ATP2C1: variants seen among roughly 807,000 people sequenced by gnomAD.
ATP2C1 encodes the protein ATPase secretory pathway Ca2+ transporting 1, also known as calcium-transporting ATPase type 2C member 1.
Under a neutral mutation model 120.5 loss-of-function variants are expected in ATP2C1, and 31 were observed. The ratio of observed to expected loss-of-function variants is 0.26; its 90% CI spans 0.19 to 0.35. The LOEUF (loss-of-function observed/expected upper bound fraction) is 0.35, where lower values mean the gene tolerates loss of function less well. Ranked by LOEUF, ATP2C1 falls within the 10% of genes least tolerant of loss-of-function variation. The pLI is 1.00. For synonymous variants in ATP2C1, 351 were observed against 358.7 expected (o/e 0.98, Z 0.24); for missense variants, 731 against 1,107.5 (o/e 0.66, Z 4.83).
At chr3:130,978,961 C>T (rs1197415756) in intron 18 of ATP2C1, among the ~76,000 whole-genome samples, 1 of 152,148 alleles carries the variant, frequency 6.6e-6, no homozygotes, top group Non-Finnish European at 1.5e-5. Context: ...AAAGTAGCTG[C>T]ATGTGATTAC....
intron 22 of ATP2C1, 138 bp from the exon 23 acceptor site, chr3:130,995,905 A>G (rs1375219332): frequency 2.3e-5 from 15 of 660,798 alleles, no homozygotes; most frequent in Non-Finnish European, 3.2e-5. Flanking sequence ...TCGGCCTCCC[A>G]GTGTGCTGGG....
chr3:130,973,234 G>A (rs1229381051), intron 17 of ATP2C1, among the ~76,000 whole-genome samples: 1 of 152,056 alleles, frequency 6.6e-6, no homozygotes, highest in African/African-American at 2.4e-5. Flanking sequence ...AGAATAAAGT[G>A]GCCCACCAAC....
At chr3:130,969,656 T>C (rs1284075289) in intron 17 of ATP2C1, among the ~76,000 whole-genome samples, 1 of 152,234 alleles carries the variant, frequency 6.6e-6, no homozygotes, top group African/African-American at 2.4e-5. Context: ...CTAGTCTCAG[T>C]CTCCTGAAGC....
chr3:130,871,865 T>A (rs1438278810), intron 1 of ATP2C1, among the ~76,000 whole-genome samples: 1 of 151,910 alleles, frequency 6.6e-6, no homozygotes, highest in African/African-American at 2.4e-5. Flanking sequence ...TATTAAAAAG[T>A]ACAAAAATTA....
At chr3:130,876,570 CT>C (rs2068611562) in intron 1 of ATP2C1, among the ~76,000 whole-genome samples, 1 of 152,050 alleles carries the variant, frequency 6.6e-6, no homozygotes, top group African/African-American at 2.4e-5. Flanking sequence ...CAGGTTTGTT[CT>C]TTTTGCTTAG....
chr3:131,001,285 G>C lies in ATP2C1; in HGVS notation c.2695G>C (p.Glu899Gln). Residue 899 changes from glutamate (E) to glutamine (Q), a missense_variant, in exon 28 of 28, where the codon GAA (glutamate) becomes CAA (glutamine). Around this residue, in one of 3 missense-constraint regions of ATP2C1, gnomAD observed 141 missense variants for 201.6 expected, o/e 0.70. Transcript: ENST00000510168. The stretch of plus-strand genomic sequence containing the variant: ...AGTGGCAGAAATTATAAAGAAGGTT[G>C]AAAGGAGCAGGGAAAAGATCCAGAA... ...CIVAEIIKKV[E>Q]RSREKIQKHV... 6.2e-7 allele frequency: 1 copy of C among 1,613,840 alleles called. No homozygotes were observed. Among genetic ancestry groups the C allele is most frequent in the Non-Finnish European group, 8.5e-7 (1 of 1,179,886 alleles).
chr3:131,000,326 A>G (rs1176291934), intron 27 of ATP2C1, among the ~76,000 whole-genome samples: 1 of 152,182 alleles, frequency 6.6e-6, no homozygotes, highest in Non-Finnish European at 1.5e-5. Context: ...GTTAAAATTT[A>G]CCTTAAAATT....
intron 17 of ATP2C1, among the ~76,000 whole-genome samples, chr3:130,971,759 C>G (rs554093380): frequency 6.6e-6 from 1 of 152,134 alleles, no homozygotes; most frequent in Non-Finnish European, 1.5e-5. Flanking sequence ...TTAGGCCAGA[C>G]GGTTAGCCTT....
intron 1 of ATP2C1, among the ~76,000 whole-genome samples, chr3:130,864,398 T>C (rs1375385784): frequency 6.6e-6 from 1 of 152,268 alleles, no homozygotes; most frequent in Non-Finnish European, 1.5e-5. Context: ...CATAAAAGTT[T>C]GGAAAACTTG....
At position 130,969,472 on chromosome 3, in the gene ATP2C1, G is replaced by A. The variant is rs144919486; in HGVS notation, c.1413+76G>A. The A allele has an allele frequency of 6.4e-4, 734 of 1,138,630 alleles. 4 individuals carry two copies. The African/African-American group carries it at 9.7e-3, about 15-fold the overall frequency. 70.5% of individuals were successfully genotyped at this position (1,138,630 alleles called of 1,614,324 possible). ...TTTTTTCATTTACTGTCCACCTTTG[G>A]GTTTAGTCATTGTACATAATAAAGA... On this transcript the variant is annotated intron_variant, in intron 17 of 27. Transcript: ENST00000510168.
chr3:130,992,629 A>G (rs769980828), intron 20 of ATP2C1, among the ~76,000 whole-genome samples: 1 of 152,232 alleles, frequency 6.6e-6, no homozygotes, highest in Non-Finnish European at 1.5e-5. Flanking sequence ...CATAGGAAAC[A>G]GACGCAAGAG....
chr3:130,985,142 C>A (rs1411084471), intron 20 of ATP2C1, among the ~76,000 whole-genome samples: 1 of 152,188 alleles, frequency 6.6e-6, no homozygotes, highest in Non-Finnish European at 1.5e-5. Flanking sequence ...ACAGTGCTTA[C>A]ATACAAAGTC....
At chr3:130,909,542 A>G (rs1193522035) in intron 2 of ATP2C1, among the ~76,000 whole-genome samples, 1 of 152,144 alleles carries the variant, frequency 6.6e-6, no homozygotes, top group Non-Finnish European at 1.5e-5. Flanking sequence ...AAATGTCACC[A>G]TAGTATGCCA....
At chr3:130,877,013 A>G (rs996479337) in intron 1 of ATP2C1, among the ~76,000 whole-genome samples, 1 of 152,138 alleles carries the variant, frequency 6.6e-6, no homozygotes, top group African/African-American at 2.4e-5. Flanking sequence ...TTGGTGGAGT[A>G]TTTAGGTTTT....
intron 8 of ATP2C1, among the ~76,000 whole-genome samples, chr3:130,948,075 C>A (rs192149854): frequency 6.6e-6 from 1 of 152,090 alleles, no homozygotes; most frequent in Non-Finnish European, 1.5e-5. Flanking sequence ...ATATAGGAAG[C>A]AAACACAGGA....
chr3:130,993,864 T>G (rs1458760909), intron 21 of ATP2C1, 68 bp from the exon 22 acceptor site: 4 of 1,523,780 alleles, frequency 2.6e-6, no homozygotes, highest in Non-Finnish European at 3.6e-6. Flanking sequence ...GATTTGTTTA[T>G]CGCTTTGTAT....
chr3:131,004,659 C>T (rs1000307597), downstream of ATP2C1, among the ~76,000 whole-genome samples: 1 of 152,224 alleles, frequency 6.6e-6, no homozygotes, highest in African/African-American at 2.4e-5. Flanking sequence ...ATGGGATCCT[C>T]AAAGAAATTT....
At chr3:130,925,001 A>G (rs188865289) in intron 2 of ATP2C1, among the ~76,000 whole-genome samples, 2 of 152,078 alleles carry the variant, frequency 1.3e-5, no homozygotes, top group South Asian at 2.1e-4. Flanking sequence ...GATTTCTTTA[A>G]GTTGGACTTC....
downstream of ATP2C1, among the ~76,000 whole-genome samples, chr3:131,003,663 C>T (rs769117289): frequency 6.6e-6 from 1 of 152,130 alleles, no homozygotes; most frequent in Non-Finnish European, 1.5e-5. Context: ...GAAGACCCTC[C>T]CCTCTCAGGA....
Sources: gnomAD v4.1 joint callset for allele counts (sites outside exome capture counted in the v4.1 genomes callset) on GRCh38, gnomAD v4.1.1 for gene constraint, gnomAD v4.1.1 regional missense constraint, MANE v1.5 for transcripts, NCBI Gene and HGNC (gene_info 2026-07-23, HGNC 2026-07-21) for gene names.